Variants in PDE7B observed in about 807,000 individuals in gnomAD.
PDE7B encodes the protein phosphodiesterase 7B.
A neutral mutation model predicts 56.2 loss-of-function variants in PDE7B; 29 were observed. The ratio of observed to expected loss-of-function variants is 0.52; its 90% CI spans 0.38 to 0.70. The LOEUF is 0.70. PDE7B is among the 30% of genes least tolerant of loss of function. The pLI, the probability that PDE7B is intolerant of heterozygous loss-of-function variation, is 0.00. For synonymous variants in PDE7B, 197 were observed against 196.9 expected (o/e 1.00, Z 0.00); for missense variants, 490 against 565.0 (o/e 0.87, Z 1.35).
At chr6:136,003,058 C>T (rs944051751) in intron 2 of PDE7B, among the ~76,000 whole-genome samples, 3 of 151,908 alleles carry the variant, frequency 2.0e-5, no homozygotes, top group African/African-American at 4.8e-5. Context: ...CACTCAAAAC[C>T]ACTCAACTAC....
chr6:136,079,920 C>G (rs1453050324), intron 2 of PDE7B, among the ~76,000 whole-genome samples: 1 of 151,938 alleles, frequency 6.6e-6, no homozygotes, highest in African/African-American at 2.4e-5. Flanking sequence ...GGGACCCATC[C>G]TACGTCAGCC....
intron 2 of PDE7B, among the ~76,000 whole-genome samples, chr6:135,981,263 A>T (rs1401516510): frequency 4.1e-5 from 5 of 122,460 alleles, no homozygotes; most frequent in Non-Finnish European, 8.0e-5. Context: ...GAAGGGGAAC[A>T]TCACACTGTG....
chr6:136,102,923 G>A (rs1051830865), intron 2 of PDE7B, among the ~76,000 whole-genome samples: 2 of 152,152 alleles, frequency 1.3e-5, no homozygotes, highest in Non-Finnish European at 2.9e-5. Context: ...ATTGTTTGGC[G>A]ACTCTAACTT....
intron 2 of PDE7B, among the ~76,000 whole-genome samples, chr6:135,982,951 A>G (rs1205033027): frequency 6.6e-6 from 1 of 152,182 alleles, no homozygotes; most frequent in Admixed American, 6.5e-5. Flanking sequence ...AAGAACTCCC[A>G]GTCTCTGTTT....
intron 2 of PDE7B, among the ~76,000 whole-genome samples, chr6:136,021,861 C>A (rs967384234): frequency 2.6e-4 from 40 of 152,178 alleles, no homozygotes; most frequent in African/African-American, 8.7e-4. Flanking sequence ...CTTCTGAAAA[C>A]CTTGTAATGG....
intron 11 of PDE7B, among the ~76,000 whole-genome samples, chr6:136,184,053 A>G (rs6570068): frequency 0.1 from 15,475 of 152,202 alleles, 2,623 homozygotes; most frequent in African/African-American, 0.35. Flanking sequence ...TTCCTAGAAC[A>G]TTTTATTGAA....
intron 2 of PDE7B, among the ~76,000 whole-genome samples, chr6:135,966,370 C>A (rs1448990754): frequency 1.3e-5 from 2 of 151,710 alleles, no homozygotes; most frequent in African/African-American, 4.8e-5. Flanking sequence ...ACTCAGGAAA[C>A]TAGTTTTACT....
intron 2 of PDE7B, chr6:136,038,405 C>T (rs1776363610): frequency 7.7e-7 from 1 of 1,291,124 alleles, no homozygotes; most frequent in African/African-American, 1.5e-5. Flanking sequence ...GCAGGGGCCG[C>T]TGCCCTGGGA....
At chr6:135,905,168 A>T (rs1776074715) in intron 1 of PDE7B, among the ~76,000 whole-genome samples, 1 of 152,226 alleles carries the variant, frequency 6.6e-6, no homozygotes, top group South Asian at 2.1e-4. Context: ...GATTGAAAAT[A>T]AAAGAACTAA....
intron 1 of PDE7B, among the ~76,000 whole-genome samples, chr6:135,928,559 C>T (rs1170488247): frequency 1.5e-5 from 2 of 131,274 alleles, no homozygotes; most frequent in South Asian, 4.9e-4. Flanking sequence ...ACACACACCC[C>T]TATATATACA....
At chr6:136,136,803 G>C (rs1333783549) in intron 3 of PDE7B, among the ~76,000 whole-genome samples, 2 of 150,586 alleles carry the variant, frequency 1.3e-5, no homozygotes, top group Non-Finnish European at 3.0e-5. Context: ...AAGAGGGCCT[G>C]GACCCTGGAA....
intron 3 of PDE7B, among the ~76,000 whole-genome samples, chr6:136,113,797 A>G (rs933708729): frequency 6.6e-6 from 1 of 152,218 alleles, no homozygotes; most frequent in Non-Finnish European, 1.5e-5. Context: ...AGAAGCAATT[A>G]CAACCTTCTG....
chr6:136,141,674 T>G (rs936639654), intron 3 of PDE7B, among the ~76,000 whole-genome samples: 3 of 152,206 alleles, frequency 2.0e-5, no homozygotes, highest in African/African-American at 7.2e-5. Context: ...GAGATTCAAC[T>G]TCTTCCTGGT....
intron 2 of PDE7B, among the ~76,000 whole-genome samples, chr6:136,056,777 C>A (rs1776743041): frequency 6.6e-6 from 1 of 152,052 alleles, no homozygotes; most frequent in Admixed American, 6.5e-5. Flanking sequence ...GGTGATCCAC[C>A]TGCCTCGGCC....
At chr6:135,861,554 T>C (rs1348606365) in intron 1 of PDE7B, among the ~76,000 whole-genome samples, 1 of 150,326 alleles carries the variant, frequency 6.7e-6, no homozygotes, top group Admixed American at 6.6e-5. Flanking sequence ...CCTTTGATTG[T>C]TATATATATT....
Position 136,193,548 on chromosome 6 carries a change from T to A in PDE7B, c.*1708T>A, listed in dbSNP as rs529479575. On this transcript the variant is annotated 3_prime_UTR_variant, in exon 13 of 13. Coordinates refer to ENST00000308191, the MANE Select transcript of PDE7B (RefSeq NM_018945.4). ...TCTCTAGGCTGCTAAACGCTGTGCA[T>A]TGAACCTTTTCTTTAGAAGTTTCAG... is the stretch of plus-strand genomic sequence containing the variant. 7.9e-5 allele frequency: 12 copies of A among 152,256 alleles called. No individual in the cohort carries two copies. The highest frequency in any genetic ancestry group is 3.3e-4 in the Admixed American group (5 of 15,284). 9.4% of individuals were successfully genotyped at this position (152,256 alleles called of 1,614,324 possible). A position where few individuals can be genotyped will look rare whatever the true frequency, so the allele number is the denominator to read the frequency against.
At chr6:135,875,672 A>G in intron 1 of PDE7B, among the ~76,000 whole-genome samples, 1 of 152,204 alleles carries the variant, frequency 6.6e-6, no homozygotes, top group African/African-American at 2.4e-5. Flanking sequence ...TTTCAGGTTC[A>G]CATTCAATCT....
At chr6:136,108,923 C>A (rs762501612) in intron 3 of PDE7B, 109 bp downstream of exon 3, 4 of 746,832 alleles carry the variant, frequency 5.4e-6, no homozygotes, top group Non-Finnish European at 9.6e-6. Context: ...TGCCTTCCTT[C>A]CTGAATCTCT....
intron 2 of PDE7B, among the ~76,000 whole-genome samples, chr6:135,976,817 T>C (rs1024033747): frequency 2.0e-5 from 3 of 152,148 alleles, no homozygotes; most frequent in African/African-American, 7.2e-5. Context: ...ATTTTATTGG[T>C]TTGGGCTTCC....
Sources: gnomAD v4.1 joint callset for allele counts (sites outside exome capture counted in the v4.1 genomes callset) on GRCh38, gnomAD v4.1.1 for gene constraint, MANE v1.5 for transcripts, NCBI Gene and HGNC (gene_info 2026-07-23, HGNC 2026-07-21) for gene names.